The following FMN1 variants were observed in gnomAD, a reference collection of about 807,000 sequenced individuals.
FMN1 encodes the protein formin 1.
A neutral mutation model predicts 132.4 loss-of-function variants in FMN1; 110 were observed. That is an observed-to-expected ratio of 0.83 (90% CI 0.71 to 0.97). The LOEUF is 0.97. Ranked by LOEUF, FMN1 falls within the 50% of genes least tolerant of loss-of-function variation. FMN1 has a pLI of 0.00. For synonymous variants in FMN1, 722 were observed against 651.7 expected (o/e 1.11, Z -1.64); for missense variants, 1,792 against 1,705.3 (o/e 1.05, Z -0.90).
chr15:32,803,826 C>T (rs2141002889), intron 18 of FMN1, among the ~76,000 whole-genome samples: 1 of 152,288 alleles, frequency 6.6e-6, no homozygotes, highest in Non-Finnish European at 1.5e-5. Flanking sequence ...AGTGTCATGA[C>T]ACGCATGTGA....
chr15:33,006,478 A>G (rs190474003), intron 7 of FMN1, among the ~76,000 whole-genome samples: 1 of 152,320 alleles, frequency 6.6e-6, no homozygotes, highest in African/African-American at 2.4e-5. Context: ...AACAGTGTGG[A>G]GGCTCTTCAA....
At chr15:32,992,350 A>T (rs1330474992) in intron 7 of FMN1, among the ~76,000 whole-genome samples, 1 of 152,214 alleles carries the variant, frequency 6.6e-6, no homozygotes, top group African/African-American at 2.4e-5. Context: ...TTCTCATTAT[A>T]ATAATCACAG....
At chr15:33,060,160 G>C (rs1026563603) in intron 6 of FMN1, among the ~76,000 whole-genome samples, 1 of 139,668 alleles carries the variant, frequency 7.2e-6, no homozygotes, top group Non-Finnish European at 1.6e-5. Context: ...GGCTACAGGG[G>C]TCTATGAAAG....
intron 17 of FMN1, among the ~76,000 whole-genome samples, chr15:32,844,513 C>T (rs1042993274): frequency 6.6e-6 from 1 of 152,112 alleles, no homozygotes; most frequent in Admixed American, 6.5e-5. Context: ...CCATGCATAT[C>T]TGGTACCTTT....
chr15:33,003,017 C>G (rs1033890028), intron 7 of FMN1, among the ~76,000 whole-genome samples: 21 of 152,194 alleles, frequency 1.4e-4, no homozygotes, highest in Middle Eastern at 3.2e-3. Flanking sequence ...TTCAACAACA[C>G]TTCATGCTGA....
At chr15:32,931,024 G>A (rs911166592) in intron 9 of FMN1, among the ~76,000 whole-genome samples, 4 of 151,944 alleles carry the variant, frequency 2.6e-5, no homozygotes, top group African/African-American at 9.7e-5. Flanking sequence ...TTATTTCTGG[G>A]TTCTCTATTC....
chr15:33,044,005 C>T (rs1052021932), intron 6 of FMN1, among the ~76,000 whole-genome samples: 2 of 152,250 alleles, frequency 1.3e-5, no homozygotes, highest in Non-Finnish European at 2.9e-5. Context: ...TCCCACTGCC[C>T]AGCCTCTCCC....
At chr15:32,788,296 G>A (rs2056948137) in intron 19 of FMN1, among the ~76,000 whole-genome samples, 1 of 152,242 alleles carries the variant, frequency 6.6e-6, no homozygotes, top group African/African-American at 2.4e-5. Flanking sequence ...CTCATTTAGG[G>A]AGAGTAGTCT....
At chr15:33,066,004 TA>T (rs1566883136) in intron 5 of FMN1, among the ~76,000 whole-genome samples, 1 of 152,170 alleles carries the variant, frequency 6.6e-6, no homozygotes, top group Non-Finnish European at 1.5e-5. Flanking sequence ...AGAATTAGAA[TA>T]AAAACCCAGG....
chr15:33,017,651 A>C (rs572177588), intron 6 of FMN1, among the ~76,000 whole-genome samples: 1 of 152,360 alleles, frequency 6.6e-6, no homozygotes, highest in Admixed American at 6.5e-5. Context: ...CATTCAACAC[A>C]TAAGAATTTC....
intron 5 of FMN1, among the ~76,000 whole-genome samples, chr15:33,071,821 C>A (rs1013775265): frequency 6.6e-6 from 1 of 152,206 alleles, no homozygotes; most frequent in African/African-American, 2.4e-5. Context: ...AAGCAACCTA[C>A]AAATTCAATC....
chr15:33,022,375 AT>A (rs1195154138), intron 6 of FMN1, among the ~76,000 whole-genome samples: 1 of 152,178 alleles, frequency 6.6e-6, no homozygotes, highest in Non-Finnish European at 1.5e-5. Flanking sequence ...AGAGACAAGG[AT>A]GAGCCAAACT....
chr15:32,837,731 G>A (rs1036261069), intron 17 of FMN1, among the ~76,000 whole-genome samples: 1 of 152,224 alleles, frequency 6.6e-6, no homozygotes, highest in Non-Finnish European at 1.5e-5. Context: ...GGGTCTTTTA[G>A]ACTGGAATAG....
chr15:32,859,323 A>T (rs1385731096), intron 16 of FMN1, among the ~76,000 whole-genome samples: 1 of 152,206 alleles, frequency 6.6e-6, no homozygotes, highest in Non-Finnish European at 1.5e-5. Context: ...GACTTGGATT[A>T]TTTAAGGCCT....
chr15:32,952,606 T>C (rs1240770939), intron 9 of FMN1, among the ~76,000 whole-genome samples: 1 of 152,186 alleles, frequency 6.6e-6, no homozygotes, highest in Non-Finnish European at 1.5e-5. Context: ...AAGGAAGTTG[T>C]ACAACAGAGT....
At chr15:33,085,798 T>C (rs1238949055) in intron 5 of FMN1, among the ~76,000 whole-genome samples, 1 of 152,162 alleles carries the variant, frequency 6.6e-6, no homozygotes, top group Non-Finnish European at 1.5e-5. Context: ...TTCTAAATAG[T>C]GGTCCTATTC....
At chr15:32,907,246 T>C (rs2060449354) in intron 12 of FMN1, among the ~76,000 whole-genome samples, 1 of 152,112 alleles carries the variant, frequency 6.6e-6, no homozygotes, top group Non-Finnish European at 1.5e-5. Flanking sequence ...CTCACCATAA[T>C]CTAGGATTAG....
chr15:33,023,654 G>A (rs751372601), intron 6 of FMN1, among the ~76,000 whole-genome samples: 30 of 152,110 alleles, frequency 2.0e-4, no homozygotes, highest in Non-Finnish European at 3.5e-4. Context: ...AATTGAAAGT[G>A]CAGCATGGTG....
At chr15:33,128,451 C>T (rs994754002) in intron 4 of FMN1, among the ~76,000 whole-genome samples, 1 of 152,156 alleles carries the variant, frequency 6.6e-6, no homozygotes, top group Non-Finnish European at 1.5e-5. Flanking sequence ...ATTTTTATTC[C>T]TATGACATTG....
Sources: gnomAD v4.1 joint callset for allele counts (sites outside exome capture counted in the v4.1 genomes callset) on GRCh38, gnomAD v4.1.1 for gene constraint, MANE v1.5 for transcripts, NCBI Gene and HGNC (gene_info 2026-07-23, HGNC 2026-07-21) for gene names.